The following PLA2G12A variants were observed in gnomAD, a reference collection of about 807,000 sequenced individuals.
PLA2G12A encodes group XIIA secretory phospholipase A2.
Under a neutral mutation model 16.0 loss-of-function variants are expected in PLA2G12A, and 11 were observed. That is an observed-to-expected ratio of 0.69 (90% CI 0.43 to 1.13). The LOEUF (loss-of-function observed/expected upper bound fraction) is 1.13, where lower values mean the gene tolerates loss of function less well. PLA2G12A is among the 50% of genes most tolerant of loss of function. PLA2G12A has a pLI of 0.00. For synonymous variants in PLA2G12A, 77 were observed against 93.8 expected, an observed-to-expected ratio of 0.82 and a Z score of 1.03; for missense variants, 214 against 237.3, an observed-to-expected ratio of 0.90 and a Z score of 0.65.
chr4:109,725,367 C>T (rs1319628353), intron 1 of PLA2G12A, among the ~76,000 whole-genome samples: 3 of 152,180 alleles, frequency 2.0e-5, no homozygotes, highest in Non-Finnish European at 4.4e-5. Flanking sequence ...TTGATTCAGA[C>T]ACCAATGTTA....
chr4:109,727,989 G>T (rs544934991), intron 1 of PLA2G12A, among the ~76,000 whole-genome samples: 1 of 152,184 alleles, frequency 6.6e-6, no homozygotes, highest in Non-Finnish European at 1.5e-5. Flanking sequence ...CTTTGGCTCA[G>T]GCCAAAACCT....
chr4:109,717,331 C>G (rs1205205302), intron 3 of PLA2G12A, among the ~76,000 whole-genome samples: 5 of 152,158 alleles, frequency 3.3e-5, no homozygotes, highest in Non-Finnish European at 7.4e-5. Flanking sequence ...TTAGACACCC[C>G]TACTCTCCCA....
intron 3 of PLA2G12A, 148 bp from the exon 4 acceptor site, chr4:109,714,643 A>G: frequency 1.6e-6 from 1 of 634,316 alleles, no homozygotes; most frequent in South Asian, 2.1e-5. Context: ...AACCTGTAGC[A>G]TATTTACATA....
rs1430101029 is a variant in PLA2G12A at position 109,714,327 on chromosome 4, C to CA, written c.*49dup. ...TGTTGTAAAAACATTAGTTATTTGT[C>CA]AAAGGTATGTTCTTCCATCTTCATC... On this transcript the variant is annotated 3_prime_UTR_variant, in exon 4 of 4. Coordinates refer to ENST00000243501, the MANE Select transcript of PLA2G12A (RefSeq NM_030821.5). The CA allele has an allele frequency of 1.8e-6, 2 of 1,112,250 alleles. No individual in the cohort carries two copies. Among genetic ancestry groups the CA allele is most frequent in the Non-Finnish European group, 2.6e-6 (2 of 757,086 alleles). The allele number at this position is 1,112,250 out of a possible 1,614,324, so 68.9% of individuals were successfully genotyped here.
Position 109,714,412 on chromosome 4 carries a change from A to G in PLA2G12A, c.535T>C (p.Cys179Arg). 1.2e-6 allele frequency: 2 copies of G among 1,613,970 alleles called. No homozygotes were observed. Among genetic ancestry groups the G allele is most frequent in the Non-Finnish European group, 1.7e-6 (2 of 1,179,840 alleles). Residue 179 changes from cysteine to arginine, a missense_variant, in exon 4 of 4, where the codon TGC becomes CGC. Transcript: ENST00000243501. ...GTTTTTTCTTCATAATGACACCTGC[A>G]TGCGGCTCGTTGGCTGTCCAGATAT... is the stretch of plus-strand genomic sequence containing the variant. ...KPYLDSQRAA[C>R]RCHYEEKTDL
In PLA2G12A at chr4:109,717,661, C is replaced by G; in HGVS notation, c.338G>C (p.Cys113Ser). 6.2e-7 allele frequency: 1 copy of G among 1,613,792 alleles called. No homozygotes were observed. The highest frequency in any genetic ancestry group is 1.1e-5 in the South Asian group (1 of 91,070). ...LTKCCNQHDRCYETCGKSKND... is the reference protein window; with the variant it reads ...LTKCCNQHDRSYETCGKSKND... Reference sequence around the variant, plus strand: ...CTTGCTTTTGCCACAGGTCTCATAGCACCTGTCGTGTTGGTTGCAACACTT... The same window carrying G: ...CTTGCTTTTGCCACAGGTCTCATAGGACCTGTCGTGTTGGTTGCAACACTT... The change falls in exon 3 of 4, where the codon TGC (cysteine) becomes TCC (serine). Residue 113 changes from cysteine to serine, a missense_variant. Transcript: ENST00000243501.
In PLA2G12A at chr4:109,728,453, A is replaced by G. The variant is rs1484280917; in HGVS notation, c.208+1149T>C. Among the ~76,000 whole-genome samples the G allele has an allele frequency of 2.6e-5, 4 of 152,334 alleles. No homozygotes were observed. In the South Asian group the frequency reaches 8.3e-4, roughly 32 times the overall value. ...ATTTGATCCTTAAATTATGCACTTA[A>G]TCCTCCGAACAAGTTCTACAAGAAT... is the stretch of plus-strand genomic sequence containing the variant. On this transcript the variant is annotated intron_variant, in intron 1 of 3. Coordinates refer to ENST00000243501, the MANE Select transcript of PLA2G12A (RefSeq NM_030821.5).
rs1281286516 is a variant in PLA2G12A, at chr4:109,718,695, C to G, written c.273G>C (p.Leu91=). 1.3e-6 allele frequency: 2 copies of G among 1,599,284 alleles called. No individual in the cohort carries two copies. The highest frequency in any genetic ancestry group is 1.7e-6 in the Non-Finnish European group (2 of 1,170,246). The change falls in exon 2 of 4, where the codon CTG becomes CTC. Residue 91 remains leucine (L), a synonymous_variant. Coordinates refer to ENST00000243501, the MANE Select transcript of PLA2G12A (RefSeq NM_030821.5). ...AGACAATATTTACATGAACACCAAA[C>G]AGTGGAGAGCCACATCCATTCGGTG... The part of the protein sequence containing the change: ...PSPPNGCGSP[L]FGVHLNIGIP...
chr4:109,727,062 G>A (rs930284821), intron 1 of PLA2G12A, among the ~76,000 whole-genome samples: 3 of 151,808 alleles, frequency 2.0e-5, no homozygotes, highest in Admixed American at 6.6e-5. Flanking sequence ...CAAAATATAG[G>A]AAAGGTTGAA....
chr4:109,720,317 C>T (rs536734817), intron 1 of PLA2G12A, among the ~76,000 whole-genome samples: 7 of 151,992 alleles, frequency 4.6e-5, no homozygotes, highest in Admixed American at 3.3e-4. Context: ...CAAAGTATTC[C>T]GCCAATTTTC....
At position 109,717,642 on chromosome 4, in the gene PLA2G12A, T is replaced by A. The variant is rs139814729; in HGVS notation, c.357A>T (p.Lys119Asn). 1 of 1,613,722 alleles carries A rather than the reference T, an allele frequency of 6.2e-7. No individual in the cohort carries two copies. Among genetic ancestry groups the A allele is most frequent in the African/African-American group, 1.3e-5 (1 of 74,930 alleles). Residue 119 changes from lysine to asparagine, a missense_variant, in exon 3 of 4, where the codon AAA (lysine) becomes AAT (asparagine). Lys to Asn is a moderately conservative substitution (Grantham distance 94). Coordinates refer to ENST00000243501, the MANE Select transcript of PLA2G12A (RefSeq NM_030821.5). ...ATTCTTCATCACAGTCATTCTTGCT[T>A]TTGCCACAGGTCTCATAGCACCTGT... ...QHDRCYETCG[K>N]SKNDCDEEFQ... is the part of the protein sequence containing the mutation.
chr4:109,729,558 C>T (rs373282960), intron 1 of PLA2G12A, 44 bp downstream of exon 1: 5 of 1,578,120 alleles, frequency 3.2e-6, no homozygotes, highest in Middle Eastern at 2.3e-4. Context: ...TCACCCCAAT[C>T]CCCCGAAAGC....
chr4:109,717,669 G>A lies in PLA2G12A; in HGVS notation c.330C>T (p.His110=), dbSNP rs747453570. The change falls in exon 3 of 4, where the codon CAC becomes CAT. Residue 110 remains histidine, a synonymous_variant. Transcript: ENST00000243501. ...TGCCACAGGTCTCATAGCACCTGTCGTGTTGGTTGCAACACTTTGTCAGGG... is the reference window on the plus strand; with the variant it reads ...TGCCACAGGTCTCATAGCACCTGTCATGTTGGTTGCAACACTTTGTCAGGG... ...IPSLTKCCNQ[H]DRCYETCGKS... is the part of the protein sequence containing the mutation. The A allele has an allele frequency of 5.6e-6, 9 of 1,613,760 alleles. No individual in the cohort carries two copies. The highest frequency in any genetic ancestry group is 4.5e-5 in the East Asian group (2 of 44,884).
In PLA2G12A at chr4:109,719,771, C is replaced by A. The variant is rs553074463; in HGVS notation, c.209-1012G>T. 1.8e-4 allele frequency among the ~76,000 whole-genome samples: 27 copies of A among 152,276 alleles called. No individual in the cohort carries two copies. In the East Asian group the frequency reaches 2.5e-3, roughly 14 times the overall value. On this transcript the variant is annotated intron_variant, in intron 1 of 3. Transcript: ENST00000243501. ...TGTCTAAAAAAGCCAATGTACAGAT[C>A]TTAATTTAAAAATACTTTATTGCTA...
At position 109,729,992 on chromosome 4, in the gene PLA2G12A, G is replaced by A. The variant is rs1039434381; in HGVS notation, c.-183C>T. Reference sequence around the variant, plus strand: ...GTCTTTACGTGAACCGCCTCGGGCAGGCAGCGCCGTCGCGGGGACGCGCCC... The same window carrying A: ...GTCTTTACGTGAACCGCCTCGGGCAAGCAGCGCCGTCGCGGGGACGCGCCC... On this transcript the variant is annotated 5_prime_UTR_variant, in exon 1 of 4. Coordinates refer to ENST00000243501, the MANE Select transcript of PLA2G12A (RefSeq NM_030821.5). 4.2e-5 allele frequency: 23 copies of A among 545,350 alleles called. No homozygotes were observed. The highest frequency in any genetic ancestry group is 6.2e-6 in the Non-Finnish European group (2 of 321,158). The allele number at this position is 545,350 out of a possible 1,614,324, so 33.8% of individuals were successfully genotyped here.
intron 3 of PLA2G12A, among the ~76,000 whole-genome samples, chr4:109,717,277 A>G (rs1478868172): frequency 6.6e-6 from 1 of 152,200 alleles, no homozygotes; most frequent in Non-Finnish European, 1.5e-5. Context: ...GACTGGAGAT[A>G]TATTTTAGGG....
intron 1 of PLA2G12A, among the ~76,000 whole-genome samples, chr4:109,728,671 G>GA (rs1722984859): frequency 6.6e-6 from 1 of 152,158 alleles, no homozygotes; most frequent in Admixed American, 6.5e-5. Context: ...AGGTTTACAT[G>GA]ATACCAGTTC....
intron 1 of PLA2G12A, among the ~76,000 whole-genome samples, chr4:109,728,735 G>T (rs11728699): frequency 0.62 from 94,644 of 152,096 alleles, 30,716 homozygotes; most frequent in African/African-American, 0.82. Flanking sequence ...CTGGATCCCC[G>T]ATTATTTTCC....
rs1730784030 is a variant in PLA2G12A at position 109,714,078 on chromosome 4, T to C, written c.*299A>G. 1 of 272,560 alleles carries C rather than the reference T, an allele frequency of 3.7e-6. No individual in the cohort carries two copies. The highest frequency in any genetic ancestry group is 7.0e-6 in the Non-Finnish European group (1 of 142,548). The allele number at this position is 272,560 out of a possible 1,614,324, so 16.9% of individuals were successfully genotyped here. A position where few individuals can be genotyped will look rare whatever the true frequency, so the allele number is the denominator to read the frequency against. The stretch of plus-strand genomic sequence containing the variant: ...GTGGTTGTGAAAATTGAGTTATATA[T>C]TCCTCTTTTCAAAATTCTCCGCTAA... On this transcript the variant is annotated 3_prime_UTR_variant, in exon 4 of 4. Coordinates refer to ENST00000243501, the MANE Select transcript of PLA2G12A (RefSeq NM_030821.5).
Sources: gnomAD v4.1 joint callset for allele counts (sites outside exome capture counted in the v4.1 genomes callset) on GRCh38, gnomAD v4.1.1 for gene constraint, MANE v1.5 for transcripts, NCBI Gene and HGNC (gene_info 2026-07-23, HGNC 2026-07-21) for gene names.